The following PDCD1LG2 variants were observed in gnomAD, a reference collection of about 807,000 sequenced individuals.
PDCD1LG2 encodes programmed cell death 1 ligand 2.
A neutral mutation model predicts 28.2 loss-of-function variants in PDCD1LG2; 32 were observed. The ratio of observed to expected loss-of-function variants is 1.13; its 90% CI spans 0.86 to 1.52. The LOEUF is 1.52. Ranked by LOEUF, PDCD1LG2 falls within the 40% of genes most tolerant of loss-of-function variation. The pLI is 0.00. For missense variants in PDCD1LG2, 385 were observed against 323.8 expected, an observed-to-expected ratio of 1.19 and a Z score of -1.45; for synonymous variants, 116 against 120.2, an observed-to-expected ratio of 0.97 and a Z score of 0.23.
intron 5 of PDCD1LG2, among the ~76,000 whole-genome samples, chr9:5,559,388 CAT>C (rs778855185): frequency 2.0e-5 from 3 of 152,152 alleles, no homozygotes; most frequent in Admixed American, 1.3e-4. Flanking sequence ...TGCTTTCTTA[CAT>C]GTGTCTGCCA....
intron 5 of PDCD1LG2, among the ~76,000 whole-genome samples, chr9:5,560,774 G>A (rs983275933): frequency 1.3e-5 from 2 of 152,114 alleles, no homozygotes; most frequent in African/African-American, 2.4e-5. Flanking sequence ...CTTAGCTCCT[G>A]AACAGATTTA....
At chr9:5,562,736 G>T (rs952797291) in intron 5 of PDCD1LG2, among the ~76,000 whole-genome samples, 5 of 152,190 alleles carry the variant, frequency 3.3e-5, no homozygotes, top group African/African-American at 9.7e-5. Flanking sequence ...CCAGTAACTT[G>T]AGTTACTTTG....
chr9:5,566,287 A>C (rs1389122724), intron 6 of PDCD1LG2, among the ~76,000 whole-genome samples: 1 of 152,240 alleles, frequency 6.6e-6, no homozygotes, highest in Non-Finnish European at 1.5e-5. Flanking sequence ...TTCACTAACC[A>C]GCAACTGAAG....
chr9:5,530,990 C>T (rs888885403), intron 2 of PDCD1LG2, among the ~76,000 whole-genome samples: 11 of 152,196 alleles, frequency 7.2e-5, no homozygotes, highest in South Asian at 2.1e-4. Context: ...GACGCTTGCA[C>T]GTGCAAATGT....
intron 5 of PDCD1LG2, among the ~76,000 whole-genome samples, chr9:5,558,945 T>C (rs1333761698): frequency 6.6e-6 from 1 of 152,240 alleles, no homozygotes; most frequent in Non-Finnish European, 1.5e-5. Flanking sequence ...GACTTTTAAA[T>C]AGAACCACTT....
intron 1 of PDCD1LG2, among the ~76,000 whole-genome samples, chr9:5,516,212 C>T (rs750459251): frequency 6.6e-6 from 1 of 152,094 alleles, no homozygotes; most frequent in Non-Finnish European, 1.5e-5. Context: ...CCACTACATC[C>T]AGCTAATTTT....
At chr9:5,550,878 G>C (rs1409204514) in intron 4 of PDCD1LG2, among the ~76,000 whole-genome samples, 1 of 152,078 alleles carries the variant, frequency 6.6e-6, no homozygotes, top group Non-Finnish European at 1.5e-5. Flanking sequence ...ATTTTTAGTA[G>C]AGATGGGTTT....
chr9:5,548,953 C>G (rs1816267012), intron 3 of PDCD1LG2, among the ~76,000 whole-genome samples: 1 of 152,118 alleles, frequency 6.6e-6, no homozygotes, highest in South Asian at 2.1e-4. Flanking sequence ...TAATTTATAG[C>G]ACTGTAAGAA....
At chr9:5,526,855 T>C (rs1820389754) in intron 2 of PDCD1LG2, among the ~76,000 whole-genome samples, 1 of 152,222 alleles carries the variant, frequency 6.6e-6, no homozygotes, top group Non-Finnish European at 1.5e-5. Context: ...ACATCCTGCA[T>C]TTTTAAGGAG....
intron 2 of PDCD1LG2, among the ~76,000 whole-genome samples, chr9:5,533,428 G>A (rs1820520998): frequency 6.6e-6 from 1 of 151,998 alleles, no homozygotes; most frequent in Non-Finnish European, 1.5e-5. Flanking sequence ...CATTTGCACT[G>A]GTAAATAGAG....
intron 2 of PDCD1LG2, among the ~76,000 whole-genome samples, chr9:5,525,540 A>G (rs945683748): frequency 2.0e-5 from 3 of 151,590 alleles, no homozygotes; most frequent in Admixed American, 6.6e-5. Flanking sequence ...ATGTGAATAA[A>G]TTAATTACAA....
intron 3 of PDCD1LG2, among the ~76,000 whole-genome samples, chr9:5,545,769 C>G (rs1406418084): frequency 6.6e-6 from 1 of 152,088 alleles, no homozygotes; most frequent in Non-Finnish European, 1.5e-5. Flanking sequence ...CCATCTTGAC[C>G]TAATAGACAT....
intron 1 of PDCD1LG2, among the ~76,000 whole-genome samples, chr9:5,521,663 A>G (rs908692677): frequency 6.6e-6 from 1 of 152,152 alleles, no homozygotes; most frequent in African/African-American, 2.4e-5. Context: ...ATGAGGTTCT[A>G]TCATTCTCCT....
intron 3 of PDCD1LG2, among the ~76,000 whole-genome samples, chr9:5,548,304 C>T (rs1816253777): frequency 6.6e-6 from 1 of 152,172 alleles, no homozygotes; most frequent in African/African-American, 2.4e-5. Flanking sequence ...CCTTCAGTTC[C>T]ATCCATGTTG....
intron 3 of PDCD1LG2, among the ~76,000 whole-genome samples, chr9:5,544,449 G>C (rs959456377): frequency 5.3e-5 from 8 of 152,300 alleles, no homozygotes; most frequent in African/African-American, 1.7e-4. Flanking sequence ...GCATAGGGGA[G>C]AAATACCTTC....
rs1165664331 is a variant in PDCD1LG2 at position 5,570,742 on chromosome 9, A to G, written c.*783A>G. On this transcript the variant is annotated 3_prime_UTR_variant, in exon 7 of 7. Transcript: ENST00000397747. ...TTATATACAGTCAAAAATATTTGATATGCTCATACGTTGTATCTGCAGCAA... is the reference window on the plus strand; with the variant it reads ...TTATATACAGTCAAAAATATTTGATGTGCTCATACGTTGTATCTGCAGCAA... The G allele has an allele frequency of 8.6e-6, 2 of 232,174 alleles. No individual in the cohort carries two copies. Among genetic ancestry groups the G allele is most frequent in the African/African-American group, 2.2e-5 (1 of 45,260 alleles). The allele number at this position is 232,174 out of a possible 1,614,324, so 14.4% of individuals were successfully genotyped here. A position where few individuals can be genotyped will look rare whatever the true frequency, so the allele number is the denominator to read the frequency against.
chr9:5,533,838 A>G (rs192275461), intron 2 of PDCD1LG2, among the ~76,000 whole-genome samples: 49 of 151,848 alleles, frequency 3.2e-4, no homozygotes, highest in African/African-American at 1.2e-3. Context: ...CTATATAACC[A>G]TAATGACAAA....
At chr9:5,521,094 G>A (rs10975156) in intron 1 of PDCD1LG2, among the ~76,000 whole-genome samples, 20,817 of 152,056 alleles carry the variant, frequency 0.14, 1,940 homozygotes, top group East Asian at 0.4. Flanking sequence ...CATTATGTTC[G>A]GTGAAAAAAG....
chr9:5,532,957 T>C (rs1256329493), intron 2 of PDCD1LG2, among the ~76,000 whole-genome samples: 1 of 152,180 alleles, frequency 6.6e-6, no homozygotes, highest in Non-Finnish European at 1.5e-5. Flanking sequence ...TCATAAAGAT[T>C]AAAGGACGGA....
Sources: allele counts gnomAD v4.1 joint callset (sites outside exome capture counted in the v4.1 genomes callset), GRCh38; gene constraint gnomAD v4.1.1; transcripts MANE v1.5; gene names NCBI Gene and HGNC (gene_info 2026-07-23, HGNC 2026-07-21).